The following TSHZ2 variants were observed in gnomAD, a reference collection of about 807,000 sequenced individuals.
TSHZ2 encodes teashirt zinc finger homeobox 2.
In TSHZ2, 21 loss-of-function variants were observed where a neutral mutation model predicts 74.4. That is an observed-to-expected ratio of 0.28 (90% CI 0.20 to 0.41). TSHZ2 has a LOEUF of 0.41. Among genes scored for constraint, TSHZ2 ranks in the 10% least tolerant of loss-of-function variants. The pLI is 1.00. For synonymous variants in TSHZ2, 540 were observed against 515.3 expected (o/e 1.05, Z -0.65); for missense variants, 1,244 against 1,293.5 (o/e 0.96, Z 0.59).
At chr20:53,222,210 C>T (rs1226776683) in intron 1 of TSHZ2, among the ~76,000 whole-genome samples, 3 of 152,126 alleles carry the variant, frequency 2.0e-5, no homozygotes, top group Non-Finnish European at 4.4e-5. Context: ...ACAAATTTTA[C>T]CTCTTCTGAC....
At chr20:53,465,722 G>T (rs1201907598) in intron 2 of TSHZ2, among the ~76,000 whole-genome samples, 1 of 152,070 alleles carries the variant, frequency 6.6e-6, no homozygotes, top group Non-Finnish European at 1.5e-5. Flanking sequence ...AGAAAAAGGA[G>T]TTTATAAGAG....
chr20:53,229,819 AAGAG>A (rs1278218932), intron 1 of TSHZ2, among the ~76,000 whole-genome samples: 4 of 147,198 alleles, frequency 2.7e-5, no homozygotes, highest in African/African-American at 7.6e-5. Flanking sequence ...GAAGGAAAAA[AAGAG>A]GGAGGAAGAG....
At chr20:53,102,403 AAAAG>A (rs1400864458) in intron 1 of TSHZ2, among the ~76,000 whole-genome samples, 1 of 151,770 alleles carries the variant, frequency 6.6e-6, no homozygotes, top group African/African-American at 2.4e-5. Context: ...TAACGAAAAA[AAAAG>A]AAAAGAAAGA....
chr20:53,042,701 G>A (rs202231343), intron 1 of TSHZ2, among the ~76,000 whole-genome samples: 390 of 128,122 alleles, frequency 3.0e-3, no homozygotes, highest in Non-Finnish European at 3.3e-3. Context: ...AAGTAGAGAA[G>A]AAAAAAAAAA....
At chr20:52,976,186 T>A (rs1319755257) in intron 1 of TSHZ2, among the ~76,000 whole-genome samples, 3 of 152,238 alleles carry the variant, frequency 2.0e-5, no homozygotes, top group Admixed American at 1.3e-4. Flanking sequence ...GATGATATTG[T>A]AAGTGATGAG....
chr20:53,364,621 G>T (rs934611118), intron 2 of TSHZ2, among the ~76,000 whole-genome samples: 1 of 152,232 alleles, frequency 6.6e-6, no homozygotes, highest in Non-Finnish European at 1.5e-5. Flanking sequence ...AACAGGGAAG[G>T]TTCAGATTTG....
At chr20:53,439,541 C>A (rs1984231364) in intron 2 of TSHZ2, among the ~76,000 whole-genome samples, 1 of 152,104 alleles carries the variant, frequency 6.6e-6, no homozygotes, top group African/African-American at 2.4e-5. Flanking sequence ...TTCTAGGGAA[C>A]AAGGAGATAA....
intron 1 of TSHZ2, among the ~76,000 whole-genome samples, chr20:52,974,391 T>C (rs1042536221): frequency 2.0e-5 from 3 of 152,258 alleles, no homozygotes; most frequent in African/African-American, 7.2e-5. Context: ...CCTTGCCCTC[T>C]ATATTCAGAG....
chr20:53,206,032 A>G (rs919965513), intron 1 of TSHZ2, among the ~76,000 whole-genome samples: 5 of 152,144 alleles, frequency 3.3e-5, no homozygotes, highest in African/African-American at 1.2e-4. Flanking sequence ...CAGCCTTACC[A>G]AAGTGGTGAA....
intron 1 of TSHZ2, among the ~76,000 whole-genome samples, chr20:53,040,877 G>C (rs1434990272): frequency 6.6e-6 from 1 of 152,108 alleles, no homozygotes; most frequent in Non-Finnish European, 1.5e-5. Flanking sequence ...AGCCTGGCAC[G>C]GTGCCAAGTA....
chr20:53,125,500 G>A (rs968782577), intron 1 of TSHZ2, among the ~76,000 whole-genome samples: 1 of 152,098 alleles, frequency 6.6e-6, no homozygotes, highest in Non-Finnish European at 1.5e-5. Context: ...CTGGTTGCTC[G>A]CTGTATTACT....
intron 2 of TSHZ2, among the ~76,000 whole-genome samples, chr20:53,466,018 C>T (rs1431494279): frequency 6.7e-6 from 1 of 148,814 alleles, no homozygotes; most frequent in East Asian, 2.0e-4. Context: ...GGGCCCAAGG[C>T]AGGTGAATCA....
At chr20:53,345,165 A>G (rs1227193203) in intron 2 of TSHZ2, among the ~76,000 whole-genome samples, 1 of 152,218 alleles carries the variant, frequency 6.6e-6, no homozygotes, top group African/African-American at 2.4e-5. Context: ...AGGCAGAGGA[A>G]CCTGTGCCAA....
At position 52,973,109 on chromosome 20, in the gene TSHZ2, A is replaced by AG. The variant is rs1981187018; in HGVS notation, c.-179dup. The AG allele has an allele frequency of 9.3e-6, 6 of 647,210 alleles. No individual in the cohort carries two copies. Among genetic ancestry groups the AG allele is most frequent in the South Asian group, 2.4e-5 (1 of 40,840 alleles). The allele number at this position is 647,210 out of a possible 1,614,324, so 40.1% of individuals were successfully genotyped here. On this transcript the variant is annotated 5_prime_UTR_variant, in exon 1 of 3. It introduces an in-frame stop codon into an upstream open reading frame of the 5' UTR. Transcript: ENST00000371497. Reference sequence around the variant, plus strand: ...AGCCACCCGTGTCTGCCACCCAGAGAGGGGGGTCTCTGGCCCGTGGTGGAG... The same window carrying AG: ...AGCCACCCGTGTCTGCCACCCAGAGAGGGGGGGTCTCTGGCCCGTGGTGGAG...
chr20:53,085,258 G>A (rs763115408), intron 1 of TSHZ2, among the ~76,000 whole-genome samples: 1 of 152,024 alleles, frequency 6.6e-6, no homozygotes, highest in Non-Finnish European at 1.5e-5. Context: ...CCAGCTACTC[G>A]GGAGGCTGAG....
chr20:52,973,436 G>A, intron 1 of TSHZ2, 103 bp downstream of exon 1: 1 of 1,455,438 alleles, frequency 6.9e-7, no homozygotes, highest in Non-Finnish European at 9.3e-7. Context: ...TAAGCTTTCG[G>A]GGGAGTTTGC....
chr20:53,207,025 C>A (rs1018795591), intron 1 of TSHZ2, among the ~76,000 whole-genome samples: 2 of 152,158 alleles, frequency 1.3e-5, no homozygotes, highest in Admixed American at 6.5e-5. Context: ...CTTATGCCAC[C>A]CCTTACCACC....
intron 1 of TSHZ2, among the ~76,000 whole-genome samples, chr20:53,169,355 G>A (rs906173489): frequency 2.0e-5 from 3 of 152,168 alleles, no homozygotes; most frequent in Non-Finnish European, 2.9e-5. Context: ...TGCTCCAGCC[G>A]TGTTGAGCTC....
chr20:53,244,475 G>C (rs1990153455), intron 1 of TSHZ2, among the ~76,000 whole-genome samples: 1 of 152,140 alleles, frequency 6.6e-6, no homozygotes, highest in African/African-American at 2.4e-5. Context: ...GATAATGTAA[G>C]GATAATGATT....
Sources: gnomAD v4.1 joint callset for allele counts (sites outside exome capture counted in the v4.1 genomes callset) on GRCh38, gnomAD v4.1.1 for gene constraint, MANE v1.5 for transcripts, NCBI Gene and HGNC (gene_info 2026-07-23, HGNC 2026-07-21) for gene names.